Variants in ATP2B2 observed in about 807,000 individuals in gnomAD.
ATP2B2 encodes plasma membrane calcium-transporting ATPase 2.
Under a neutral mutation model 120.0 loss-of-function variants are expected in ATP2B2, and 15 were observed. The observed-to-expected ratio is 0.12, with a 90% confidence interval of 0.08 to 0.19. The LOEUF (loss-of-function observed/expected upper bound fraction) is 0.19. Ranked by LOEUF, ATP2B2 falls within the 10% of genes least tolerant of loss-of-function variation. ATP2B2 has a pLI of 1.00. For missense variants in ATP2B2, 1,045 were observed against 1,719.8 expected (o/e 0.61, Z 6.94); for synonymous variants, 694 against 700.3 (o/e 0.99, Z 0.14).
intron 3 of ATP2B2, among the ~76,000 whole-genome samples, chr3:10,528,663 T>C (rs999664668): frequency 1.3e-5 from 2 of 149,962 alleles, no homozygotes; most frequent in African/African-American, 5.0e-5. Context: ...CCCCTGAATA[T>C]ATTTTTCACT....
rs186497804 is a variant in ATP2B2 at position 10,434,927 on chromosome 3, C to T, written c.199+14418G>A. Among the ~76,000 whole-genome samples the T allele has an allele frequency of 2.6e-5, 4 of 152,358 alleles. No individual in the cohort carries two copies. In the East Asian group the frequency reaches 5.8e-4, roughly 22 times the overall value. ...TGGCCCCTCTTCCTCATATTTGGGC[C>T]TGAGCCCCAGTGTGGTTTGGAGCAA... On this transcript the variant is annotated intron_variant, in intron 2 of 22. Transcript: ENST00000360273.
At chr3:10,545,554 AAAAT>A (rs970230240) in intron 2 of ATP2B2, among the ~76,000 whole-genome samples, 2 of 152,066 alleles carry the variant, frequency 1.3e-5, no homozygotes, top group Non-Finnish European at 2.9e-5. Flanking sequence ...AAATAAATAA[AAAAT>A]AAAAACAAAA....
intron 1 of ATP2B2, among the ~76,000 whole-genome samples, chr3:10,457,122 T>A (rs550009484): frequency 6.6e-6 from 1 of 152,154 alleles, no homozygotes; most frequent in South Asian, 2.1e-4. Context: ...AGGGTGAGTG[T>A]GTGAGTGTAG....
rs150472286 is a variant in ATP2B2, at chr3:10,483,216, A to G, written c.-320+22249T>C. Among the ~76,000 whole-genome samples, 20 of 152,334 alleles carry G rather than the reference A, an allele frequency of 1.3e-4. 1 individual carries two copies. The highest frequency in any genetic ancestry group is 1.9e-4 in the Non-Finnish European group (13 of 68,040). Reference sequence around the variant, plus strand: ...ACACATTGCTTCTTATTTCAGGCCAACTGGTAGGATAGGTGTGACAGTCCC... The same window carrying G: ...ACACATTGCTTCTTATTTCAGGCCAGCTGGTAGGATAGGTGTGACAGTCCC... On this transcript the variant is annotated intron_variant, in intron 1 of 22. Transcript: ENST00000360273.
intron 1 of ATP2B2, among the ~76,000 whole-genome samples, chr3:10,625,759 G>A (rs1446864931): frequency 3.3e-5 from 5 of 152,090 alleles, no homozygotes; most frequent in African/African-American, 1.2e-4. Context: ...ACCCAAGGAT[G>A]GGAGGCACAC....
intron 1 of ATP2B2, among the ~76,000 whole-genome samples, chr3:10,642,814 G>C (rs984772783): frequency 1.3e-5 from 2 of 152,158 alleles, no homozygotes; most frequent in Non-Finnish European, 2.9e-5. Flanking sequence ...ATAGGGTAGG[G>C]AAGTAGCTCT....
At chr3:10,620,574 C>A (rs953903740) in intron 1 of ATP2B2, among the ~76,000 whole-genome samples, 2 of 152,106 alleles carry the variant, frequency 1.3e-5, no homozygotes, top group Non-Finnish European at 2.9e-5. Context: ...TCCTTTCCCG[C>A]ACCCCTAGTC....
intron 2 of ATP2B2, among the ~76,000 whole-genome samples, chr3:10,444,567 A>G (rs1292883379): frequency 1.3e-5 from 2 of 152,232 alleles, no homozygotes; most frequent in African/African-American, 4.8e-5. Context: ...AGCACTCTGC[A>G]GTATCCAGTT....
chr3:10,565,579 C>T (rs2067992732), intron 2 of ATP2B2, among the ~76,000 whole-genome samples: 1 of 152,120 alleles, frequency 6.6e-6, no homozygotes, highest in African/African-American at 2.4e-5. Flanking sequence ...AATTATTTTT[C>T]TAAACTCAGA....
At chr3:10,653,796 G>A (rs954419801) in intron 1 of ATP2B2, among the ~76,000 whole-genome samples, 22 of 152,078 alleles carry the variant, frequency 1.4e-4, no homozygotes, top group Non-Finnish European at 7.4e-5. Flanking sequence ...TATAGCCTAC[G>A]ATATCCTCCA....
At chr3:10,661,869 C>T (rs2070789868) in intron 1 of ATP2B2, among the ~76,000 whole-genome samples, 1 of 152,148 alleles carries the variant, frequency 6.6e-6, no homozygotes, top group Non-Finnish European at 1.5e-5. Context: ...GCTACAGTAA[C>T]CAAAACAGCA....
intron 2 of ATP2B2, among the ~76,000 whole-genome samples, chr3:10,561,146 G>A (rs1344901061): frequency 6.6e-6 from 1 of 152,210 alleles, no homozygotes; most frequent in African/African-American, 2.4e-5. Context: ...GTGTGATGAT[G>A]TAATTTCTGT....
At chr3:10,613,832 T>G (rs2069307951) in intron 2 of ATP2B2, among the ~76,000 whole-genome samples, 1 of 151,130 alleles carries the variant, frequency 6.6e-6, no homozygotes. Flanking sequence ...CCACCTCCCC[T>G]GGAATTAAGG....
intron 1 of ATP2B2, among the ~76,000 whole-genome samples, chr3:10,486,697 C>T (rs2065688206): frequency 6.6e-6 from 1 of 152,100 alleles, no homozygotes; most frequent in Non-Finnish European, 1.5e-5. Context: ...ATAATCACCC[C>T]AGCTGGAATT....
At chr3:10,426,416 A>G (rs1314517818) in intron 2 of ATP2B2, among the ~76,000 whole-genome samples, 2 of 152,184 alleles carry the variant, frequency 1.3e-5, no homozygotes, top group Non-Finnish European at 2.9e-5. Flanking sequence ...CGTCTGCTCT[A>G]AGACAGGCAT....
intron 2 of ATP2B2, among the ~76,000 whole-genome samples, chr3:10,611,163 T>A (rs911873772): frequency 6.6e-6 from 1 of 152,216 alleles, no homozygotes; most frequent in East Asian, 1.9e-4. Context: ...CCACCACTCC[T>A]GAATGAGGGT....
chr3:10,520,205 T>G (rs2066955793), intron 3 of ATP2B2, among the ~76,000 whole-genome samples: 1 of 152,240 alleles, frequency 6.6e-6, no homozygotes, highest in African/African-American at 2.4e-5. Context: ...CCAACCCTGA[T>G]TTAATTAGCT....
chr3:10,579,810 GAAAACAAAAC>G (rs59097062), intron 2 of ATP2B2, among the ~76,000 whole-genome samples: 49 of 146,324 alleles, frequency 3.3e-4, no homozygotes, highest in Admixed American at 7.6e-4. Flanking sequence ...ACTCCGTCTT[GAAAACAAAAC>G]AAAACAAAAC....
At chr3:10,332,687 G>A (rs566109128) in intron 22 of ATP2B2, among the ~76,000 whole-genome samples, 2 of 152,284 alleles carry the variant, frequency 1.3e-5, no homozygotes, top group East Asian at 3.9e-4. Context: ...AGGTCTGTGG[G>A]CCTCCTGGGA....
Sources: allele counts gnomAD v4.1 joint callset (sites outside exome capture counted in the v4.1 genomes callset), GRCh38; gene constraint gnomAD v4.1.1; transcripts MANE v1.5; gene names NCBI Gene and HGNC (gene_info 2026-07-23, HGNC 2026-07-21).